KYAT3: variants seen among roughly 807,000 people sequenced by gnomAD.
KYAT3 encodes the protein kynurenine--oxoglutarate transaminase 3.
Under a neutral mutation model 59.0 loss-of-function variants are expected in KYAT3, and 50 were observed. That is an observed-to-expected ratio of 0.85 (90% CI 0.68 to 1.07). The LOEUF (loss-of-function observed/expected upper bound fraction) is 1.07. KYAT3 is among the 50% of genes least tolerant of loss of function. The pLI, the probability that KYAT3 is intolerant of heterozygous loss-of-function variation, is 0.00. For synonymous variants in KYAT3, 148 were observed against 177.0 expected (o/e 0.84, Z 1.30); for missense variants, 497 against 533.3 (o/e 0.93, Z 0.67).
chr1:88,937,329 G>T (rs1421116032), intron 13 of KYAT3, among the ~76,000 whole-genome samples: 1 of 152,170 alleles, frequency 6.6e-6, no homozygotes, highest in Non-Finnish European at 1.5e-5. Context: ...GCCTGAACCG[G>T]GAAAAGGGTA....
chr1:88,960,357 T>C (rs1676093371), intron 8 of KYAT3, among the ~76,000 whole-genome samples: 1 of 150,162 alleles, frequency 6.7e-6, no homozygotes, highest in Non-Finnish European at 1.5e-5. Flanking sequence ...CAAGATTCTA[T>C]GGAAAATGGG....
intron 8 of KYAT3, among the ~76,000 whole-genome samples, chr1:88,957,828 G>T (rs1214734125): frequency 6.6e-6 from 1 of 152,160 alleles, no homozygotes. Flanking sequence ...GAAAGTAATT[G>T]TTCATGTTAA....
chr1:88,984,203 G>GTTTTTTTT, intron 2 of KYAT3: 1 of 98,282 alleles, frequency 1.0e-5, no homozygotes, highest in Non-Finnish European at 2.2e-5. Flanking sequence ...TTTTTTTGTT[G>GTTTTTTTT]CTTTTTTTTT....
intron 2 of KYAT3, chr1:88,983,988 G>C (rs1316064204): frequency 1.6e-6 from 1 of 606,838 alleles, no homozygotes; most frequent in African/African-American, 2.3e-5. Context: ...TGCTTTTTAA[G>C]GTATGGCTAT....
chr1:88,933,933 A>G (rs1557675980), downstream of KYAT3, among the ~76,000 whole-genome samples: 1 of 152,172 alleles, frequency 6.6e-6, no homozygotes, highest in Non-Finnish European at 1.5e-5. Flanking sequence ...GCCTTGGACA[A>G]GTCAAAGGAT....
At chr1:88,928,113 T>C in the KYAT3 span, among the ~76,000 whole-genome samples, 6 of 152,294 alleles carry the variant, frequency 3.9e-5, no homozygotes, top group Admixed American at 3.9e-4. Context: ...TATTCAATGA[T>C]GTCCACTATA....
intron 11 of KYAT3, 33 bp downstream of exon 11, chr1:88,949,058 C>T (rs367605681): frequency 7.9e-5 from 114 of 1,444,946 alleles, no homozygotes; most frequent in Non-Finnish European, 8.8e-5. Context: ...CATAAGTTTC[C>T]GTATAGTTGA....
chr1:88,984,119 G>A (rs531126696), intron 2 of KYAT3: 1 of 448,282 alleles, frequency 2.2e-6, no homozygotes, highest in Non-Finnish European at 4.2e-6. Context: ...ATGTAAAGCA[G>A]GGAAAGATGC....
chr1:88,983,319 G>T, intron 2 of KYAT3: 1 of 1,614,070 alleles, frequency 6.2e-7, no homozygotes, highest in Non-Finnish European at 8.5e-7. Flanking sequence ...CTGCGAACTA[G>T]TCCTGAAGGT....
At chr1:88,978,078 A>G (rs1676877866) in intron 2 of KYAT3, among the ~76,000 whole-genome samples, 1 of 152,040 alleles carries the variant, frequency 6.6e-6, no homozygotes, top group African/African-American at 2.4e-5. Context: ...TATAATATAT[A>G]CACATATGTA....
chr1:88,982,994 C>T (rs781713379), intron 2 of KYAT3: 63 of 1,613,202 alleles, frequency 3.9e-5, no homozygotes, highest in Middle Eastern at 1.8e-4. Flanking sequence ...GTAGGAACCT[C>T]CACTTGGATG....
intron 13 of KYAT3, among the ~76,000 whole-genome samples, chr1:88,937,950 T>G (rs1472262853): frequency 2.6e-5 from 4 of 152,204 alleles, no homozygotes; most frequent in African/African-American, 9.6e-5. Context: ...AATGCATGAT[T>G]CTAGCCTGAA....
At chr1:88,923,194 AAT>A in the KYAT3 span, among the ~76,000 whole-genome samples, 1 of 152,250 alleles carries the variant, frequency 6.6e-6, no homozygotes, top group African/African-American at 2.4e-5. Flanking sequence ...ATTGTTAATT[AAT>A]ATATGTCAAG....
At chr1:88,957,545 G>C (rs982183282) in intron 8 of KYAT3, among the ~76,000 whole-genome samples, 1 of 152,042 alleles carries the variant, frequency 6.6e-6, no homozygotes, top group African/African-American at 2.4e-5. Context: ...AAGTTTTAAT[G>C]CAAACAAATT....
chr1:88,982,089 T>C (rs1455933050), intron 2 of KYAT3: 2 of 985,956 alleles, frequency 2.0e-6, no homozygotes, highest in East Asian at 1.1e-4. Context: ...AAAGGCAAAA[T>C]GGCCAGCATT....
rs548866257 is a variant in KYAT3 at position 88,967,420 on chromosome 1, G to A, written c.303+1250C>T. 4.6e-5 allele frequency among the ~76,000 whole-genome samples: 7 copies of A among 151,548 alleles called. No homozygotes were observed. In the South Asian group the frequency reaches 1.5e-3, roughly 32 times the overall value. On this transcript the variant is annotated intron_variant, in intron 4 of 13. Transcript: ENST00000260508. ...ATTAGGTTTGTGCAAAAGTAATTGC[G>A]GTTTTTGTCATTAAAATTAATGGCA...
intron 13 of KYAT3, among the ~76,000 whole-genome samples, chr1:88,936,812 CCTTCTGTTGTTCAT>C (rs1675056539): frequency 1.3e-5 from 2 of 152,316 alleles, no homozygotes; most frequent in South Asian, 4.1e-4. Flanking sequence ...GAAAATCCAG[CCTTCTGTTGTTCAT>C]CTTCTGTTTC....
chr1:88,961,923 A>G (rs1346857974), intron 6 of KYAT3, 136 bp downstream of exon 6: 2 of 665,420 alleles, frequency 3.0e-6, no homozygotes, highest in Non-Finnish European at 5.3e-6. Context: ...TTAAAAAGAC[A>G]ACTAGACAAA....
At chr1:88,988,631 T>C (rs1375346214) in intron 1 of KYAT3, among the ~76,000 whole-genome samples, 1 of 152,232 alleles carries the variant, frequency 6.6e-6, no homozygotes, top group Non-Finnish European at 1.5e-5. Flanking sequence ...AAGGCTTTAA[T>C]TTAGTCAAGA....
Sources: allele counts gnomAD v4.1 joint callset (sites outside exome capture counted in the v4.1 genomes callset), GRCh38; gene constraint gnomAD v4.1.1; transcripts MANE v1.5; gene names NCBI Gene and HGNC (gene_info 2026-07-23, HGNC 2026-07-21).